CEP164: variants seen among roughly 807,000 people sequenced by gnomAD.
CEP164 encodes centrosomal protein of 164 kDa.
Under a neutral mutation model 182.7 loss-of-function variants are expected in CEP164, and 162 were observed. The ratio of observed to expected loss-of-function variants is 0.89; its 90% CI spans 0.78 to 1.01. The LOEUF is 1.01. Among genes scored for constraint, CEP164 ranks in the 50% least tolerant of loss-of-function variants. The probability of loss-of-function intolerance (pLI) is 0.00; values close to 1 mark genes in which losing one functional copy is unlikely to be tolerated. For synonymous variants in CEP164, 661 were observed against 690.0 expected (o/e 0.96, Z 0.66); for missense variants, 1,735 against 1,790.4 (o/e 0.97, Z 0.56).
intron 5 of CEP164, among the ~76,000 whole-genome samples, chr11:117,352,448 G>A (rs879839569): frequency 1.5e-4 from 23 of 152,190 alleles, no homozygotes; most frequent in Non-Finnish European, 2.1e-4. Context: ...GATGTCAGAT[G>A]TAGCCATAAT....
chr11:117,408,040 C>T lies in CEP164; in HGVS notation c.3609+8C>T, dbSNP rs1255687173. 1.3e-6 allele frequency: 2 copies of T among 1,564,014 alleles called. No homozygotes were observed. The highest frequency in any genetic ancestry group is 2.3e-5 in the East Asian group (1 of 43,226). On this transcript the variant is annotated splice_region_variant and intron_variant, in intron 28 of 32. Coordinates refer to ENST00000278935, the MANE Select transcript of CEP164 (RefSeq NM_014956.5). ...TCCTCTCTTTGGGAAGAGGTGCAGC[C>T]CCATGTCCACATAGTCCAGTGGGCC...
rs1248174493 is a variant in CEP164 at position 117,351,839 on chromosome 11, T to C, written c.244T>C (p.Ser82Pro). ...IYYFNFANGQ[S>P]MWDHPCDEHY... ...CTATTTCAACTTCGCCAACGGGCAG[T>C]CTATGTGGGACCATCCATGTGACGA... The change falls in exon 5 of 33, where the codon TCT (serine) becomes CCT (proline). Residue 82 changes from serine (S) to proline (P), a missense_variant. Coordinates refer to ENST00000278935, the MANE Select transcript of CEP164 (RefSeq NM_014956.5). The C allele has an allele frequency of 6.2e-7, 1 of 1,611,662 alleles. No individual in the cohort carries two copies. The highest frequency in any genetic ancestry group is 1.3e-5 in the African/African-American group (1 of 74,796).
At chr11:117,354,906 C>G in intron 5 of CEP164, 1 of 1,238,468 alleles carries the variant, frequency 8.1e-7, no homozygotes, top group Non-Finnish European at 1.0e-6. Flanking sequence ...TCTTCGTTTT[C>G]TCTGCATGTT....
At chr11:117,348,473 G>A (rs1458246343) in intron 4 of CEP164, among the ~76,000 whole-genome samples, 1 of 152,050 alleles carries the variant, frequency 6.6e-6, no homozygotes, top group East Asian at 1.9e-4. Context: ...TTTTGTTAAG[G>A]TGGCAGAACT....
At chr11:117,368,413 A>G (rs547207678) in intron 8 of CEP164, among the ~76,000 whole-genome samples, 74 of 152,282 alleles carry the variant, frequency 4.9e-4, no homozygotes, top group African/African-American at 7.2e-4. Flanking sequence ...GCTGGGCCTT[A>G]AGGGCTGTGG....
rs200571532 is a variant in CEP164, at chr11:117,395,610, T to G, written c.2977T>G (p.Ser993Ala). The G allele has an allele frequency of 3.0e-5, 48 of 1,613,956 alleles. No homozygotes were observed. Among genetic ancestry groups the G allele is most frequent in the Non-Finnish European group, 3.6e-5 (42 of 1,179,998 alleles). Reference protein sequence around the residue: ...AQKEHTHLLQSNQQLREILDE... With the variant: ...AQKEHTHLLQANQQLREILDE... Reference sequence around the variant, plus strand: ...GAAGGAGCACACCCACCTGTTGCAGTCAAACCAGCAGCTCCGAGAAATTCT... The same window carrying G: ...GAAGGAGCACACCCACCTGTTGCAGGCAAACCAGCAGCTCCGAGAAATTCT... Residue 993 changes from serine to alanine, a missense_variant, in exon 24 of 33, where the codon TCA (serine) becomes GCA (alanine). Transcript: ENST00000278935.
upstream of CEP164, among the ~76,000 whole-genome samples, chr11:117,327,634 C>T (rs910335856): frequency 2.6e-5 from 4 of 151,790 alleles, no homozygotes; most frequent in Non-Finnish European, 5.9e-5. Context: ...TTGCGGATTC[C>T]CATTATCTAT....
In CEP164 at chr11:117,351,906, C is replaced by T; in HGVS notation, c.311C>T (p.Ser104Leu). The change falls in exon 5 of 33, where the codon TCA becomes TTA. Residue 104 changes from serine to leucine, a missense_variant. Coordinates refer to ENST00000278935, the MANE Select transcript of CEP164 (RefSeq NM_014956.5). Reference protein sequence around the residue: ...SLVIQERAKLSTSGAIKKKKK... With the variant: ...SLVIQERAKLLTSGAIKKKKK... ...GTGATCCAAGAGCGGGCAAAGCTGT[C>T]AACTTCTGGGGCCATTAAGAAGAAG... 6.2e-7 allele frequency: 1 copy of T among 1,612,742 alleles called. No individual in the cohort carries two copies. The highest frequency in any genetic ancestry group is 8.5e-7 in the Non-Finnish European group (1 of 1,179,662).
chr11:117,409,576 T>A lies in CEP164; in HGVS notation c.3749-42T>A. Reference sequence around the variant, plus strand: ...TGTGTCTGGGAATGGTCCAGGGTCCTGAGCTTGAGTCCCTTCCCACCATCC... The same window carrying A: ...TGTGTCTGGGAATGGTCCAGGGTCCAGAGCTTGAGTCCCTTCCCACCATCC... On this transcript the variant is annotated intron_variant, in intron 29 of 32. Coordinates refer to ENST00000278935, the MANE Select transcript of CEP164 (RefSeq NM_014956.5). The surrounding 1 kb of genome is among the most constrained non-coding windows in gnomAD (Gnocchi z 4.4). The A allele has an allele frequency of 6.4e-7, 1 of 1,550,792 alleles. No individual in the cohort carries two copies. The highest frequency in any genetic ancestry group is 8.8e-7 in the Non-Finnish European group (1 of 1,139,458).
At chr11:117,377,773 T>C (rs1051057414) in intron 11 of CEP164, among the ~76,000 whole-genome samples, 1 of 152,170 alleles carries the variant, frequency 6.6e-6, no homozygotes, top group African/African-American at 2.4e-5. Flanking sequence ...TTTGATAAGT[T>C]TTACCGTATT....
At chr11:117,358,405 T>C (rs933555629) in intron 5 of CEP164, among the ~76,000 whole-genome samples, 2 of 152,258 alleles carry the variant, frequency 1.3e-5, no homozygotes, top group South Asian at 4.1e-4. Context: ...AGTCTGTATT[T>C]CCATAAATAC....
Position 117,382,874 on chromosome 11 carries a change from G to T in CEP164, c.1656G>T (p.Gly552=). Residue 552 remains glycine, a synonymous_variant, in exon 14 of 33, where the codon GGG becomes GGT. Transcript: ENST00000278935. Reference sequence around the variant, plus strand: ...CCCAGGCCGAGGAGCTGGGCCCTGGGCAGGAAGAGGCAGAGGATCCTGAGG... The same window carrying T: ...CCCAGGCCGAGGAGCTGGGCCCTGGTCAGGAAGAGGCAGAGGATCCTGAGG... ...QHSQAEELGP[G]QEEAEDPEEK... 1 of 1,614,022 alleles carries T rather than the reference G, an allele frequency of 6.2e-7. No homozygotes were observed. Among genetic ancestry groups the T allele is most frequent in the Non-Finnish European group, 8.5e-7 (1 of 1,180,010 alleles).
chr11:117,395,662 A>G lies in CEP164; in HGVS notation c.3029A>G (p.Lys1010Arg), dbSNP rs752896028. The G allele has an allele frequency of 3.7e-6, 6 of 1,613,588 alleles. No homozygotes were observed. In the East Asian group the frequency reaches 8.9e-5, roughly 24 times the overall value. Reference protein sequence around the residue: ...ILDELQARKLKLESQVDLLQA... With the variant: ...ILDELQARKLRLESQVDLLQA... ...GATGAGCTGCAGGCCCGCAAGCTGA[A>G]GCTGGAGTCCCAAGTGGATCTGCTG... is the stretch of plus-strand genomic sequence containing the variant. The change falls in exon 24 of 33, where the codon AAG (lysine) becomes AGG (arginine). Residue 1010 changes from lysine to arginine, a missense_variant. Lys to Arg is a conservative substitution (Grantham distance 26). Transcript: ENST00000278935.
intron 1 of CEP164, among the ~76,000 whole-genome samples, chr11:117,322,523 G>C (rs2035282884): frequency 6.6e-6 from 1 of 151,930 alleles, no homozygotes; most frequent in African/African-American, 2.4e-5. Context: ...TCACCCTACT[G>C]TGCAATAGGA....
At chr11:117,395,748 C>G in intron 24 of CEP164, 26 bp downstream of exon 24, 2 of 1,586,856 alleles carry the variant, frequency 1.3e-6, no homozygotes, top group Admixed American at 1.7e-5. Context: ...TGCACTTAGC[C>G]CTGCTGGCTG....
At position 117,361,865 on chromosome 11, in the gene CEP164, G is replaced by A; in HGVS notation, c.424G>A (p.Val142Ile). The change falls in exon 6 of 33, where the codon GTT becomes ATT. Residue 142 changes from valine (V) to isoleucine (I), a missense_variant. By Grantham distance (29) the Val-to-Ile change is conservative (BLOSUM62 3). Transcript: ENST00000278935. ...ALGSSLAPVH[V>I]PLGGLAPLRG... is the part of the protein sequence containing the mutation. ...GGGTTCCTCATTAGCCCCAGTTCAT[G>A]TTCCTCTTGGGGGCCTGGCTCCTTT... is the stretch of plus-strand genomic sequence containing the variant. The A allele has an allele frequency of 1.9e-6, 3 of 1,614,226 alleles. No individual in the cohort carries two copies. Among genetic ancestry groups the A allele is most frequent in the Non-Finnish European group, 2.5e-6 (3 of 1,180,040 alleles).
intron 3 of CEP164, 141 bp from the exon 4 acceptor site, chr11:117,344,025 C>G (rs2038520233): frequency 3.4e-6 from 2 of 595,926 alleles, no homozygotes; most frequent in African/African-American, 3.7e-5. Flanking sequence ...TGTAAGGAAA[C>G]AATTATATAT....
At chr11:117,366,011 G>A (rs2041599912) in intron 8 of CEP164, among the ~76,000 whole-genome samples, 1 of 152,098 alleles carries the variant, frequency 6.6e-6, no homozygotes, top group African/African-American at 2.4e-5. Context: ...GAAATGTCTG[G>A]AGTGGGTGGT....
chr11:117,408,378 G>A (rs762935175), intron 28 of CEP164: 79 of 235,372 alleles, frequency 3.4e-4, no homozygotes, highest in Non-Finnish European at 5.8e-4. Flanking sequence ...TTTCCTACCT[G>A]CCTTGGGACC....
Sources: gnomAD v4.1 joint callset for allele counts (sites outside exome capture counted in the v4.1 genomes callset) on GRCh38, gnomAD v4.1.1 for gene constraint, Gnocchi (gnomAD v3.1) non-coding constraint, MANE v1.5 for transcripts, NCBI Gene and HGNC (gene_info 2026-07-23, HGNC 2026-07-21) for gene names.